The following CHN1 variants were observed in gnomAD, a reference collection of about 807,000 sequenced individuals.
CHN1 encodes chimerin 1.
In CHN1, 37 loss-of-function variants were observed where a neutral mutation model predicts 59.5. The observed-to-expected ratio is 0.62, with a 90% CI of 0.48 to 0.82. The LOEUF (loss-of-function observed/expected upper bound fraction) is 0.82. CHN1 is among the 40% of genes least tolerant of loss of function. CHN1 has a pLI of 0.00. For synonymous variants in CHN1, 206 were observed against 200.4 expected (o/e 1.03, Z -0.24); for missense variants, 469 against 571.0 (o/e 0.82, Z 1.82).
At chr2:174,904,437 T>C (rs1574147780) in intron 5 of CHN1, among the ~76,000 whole-genome samples, 1 of 152,088 alleles carries the variant, frequency 6.6e-6, no homozygotes, top group South Asian at 2.1e-4. Flanking sequence ...TGCCCAGGCT[T>C]GAGTGCAATG....
At position 174,801,769 on chromosome 2, in the gene CHN1, T is replaced by A; in HGVS notation, c.1146A>T (p.Ala382=). Residue 382 remains alanine (A), a synonymous_variant, in exon 12 of 13, where the codon GCA becomes GCT. Coordinates refer to ENST00000409900, the MANE Select transcript of CHN1 (RefSeq NM_001822.7). ...PDEQLETLHE[A]LKLLPPAHCE... ...AGTGAGCAGGTGGCAGTAGTTTCAG[T>A]GCTTCATGAAGGGTTTCCAATTGCT... 9 of 1,613,486 alleles carry A rather than the reference T, an allele frequency of 5.6e-6. No homozygotes were observed. The highest frequency in any genetic ancestry group is 6.8e-6 in the Non-Finnish European group (8 of 1,179,480).
intron 5 of CHN1, among the ~76,000 whole-genome samples, chr2:174,895,211 T>C (rs554942342): frequency 8.1e-4 from 115 of 142,108 alleles, no homozygotes; most frequent in African/African-American, 2.9e-3. Flanking sequence ...TATATATATA[T>C]ATACACACAC....
intron 1 of CHN1, among the ~76,000 whole-genome samples, chr2:174,989,422 C>G (rs1175921498): frequency 6.6e-6 from 1 of 151,528 alleles, no homozygotes; most frequent in Non-Finnish European, 1.5e-5. Context: ...AAAAACTGTG[C>G]CTTGCCACCT....
intron 7 of CHN1, among the ~76,000 whole-genome samples, chr2:174,838,998 CAG>C (rs986220156): frequency 6.0e-5 from 9 of 149,136 alleles, no homozygotes; most frequent in African/African-American, 2.2e-4. Flanking sequence ...GCCTCGGCGA[CAG>C]AGTGAGACTC....
intron 5 of CHN1, among the ~76,000 whole-genome samples, chr2:174,897,273 T>C (rs956130596): frequency 6.6e-6 from 1 of 152,170 alleles, no homozygotes; most frequent in Admixed American, 6.5e-5. Flanking sequence ...GTTTGGCACA[T>C]TATAATGTAA....
intron 6 of CHN1, among the ~76,000 whole-genome samples, chr2:174,868,049 G>A (rs909592770): frequency 1.3e-5 from 2 of 152,150 alleles, no homozygotes; most frequent in African/African-American, 4.8e-5. Flanking sequence ...GGCTTTGAAT[G>A]GTGGAGCTAT....
chr2:175,002,982 C>G (rs1353907496), intron 1 of CHN1, among the ~76,000 whole-genome samples: 1 of 152,148 alleles, frequency 6.6e-6, no homozygotes, highest in African/African-American at 2.4e-5. Flanking sequence ...CGAGTTTGAC[C>G]CAATCTCCTA....
intron 5 of CHN1, among the ~76,000 whole-genome samples, chr2:174,884,097 A>G (rs1687822569): frequency 6.6e-6 from 1 of 151,572 alleles, no homozygotes. Flanking sequence ...CCTCCCGAGT[A>G]GCTGGGAGCT....
intron 8 of CHN1, among the ~76,000 whole-genome samples, chr2:174,813,525 T>C (rs1228257603): frequency 6.6e-6 from 1 of 152,230 alleles, no homozygotes; most frequent in Non-Finnish European, 1.5e-5. Flanking sequence ...AATGAAACAT[T>C]TTCTGGTTAA....
At chr2:174,934,353 C>G (rs1017702927) in intron 3 of CHN1, among the ~76,000 whole-genome samples, 2 of 152,210 alleles carry the variant, frequency 1.3e-5, no homozygotes, top group Non-Finnish European at 2.9e-5. Context: ...ATAGGGGTCA[C>G]ACTCCTATGA....
chr2:174,867,031 CTG>C (rs1687238230), intron 6 of CHN1, among the ~76,000 whole-genome samples: 1 of 150,776 alleles, frequency 6.6e-6, no homozygotes, highest in African/African-American at 2.4e-5. Flanking sequence ...CTTACAAAGA[CTG>C]TTAAAATGAC....
intron 8 of CHN1, 70 bp from the exon 9 acceptor site, chr2:174,812,552 T>C: frequency 6.6e-7 from 1 of 1,522,098 alleles, no homozygotes; most frequent in Admixed American, 1.8e-5. Flanking sequence ...GGAGTGTTAA[T>C]TTTAGCAAAA....
rs910612949 is a variant in CHN1 at position 174,920,183 on chromosome 2, T to C, written c.115-1618A>G. ...TTGTATACTGAAATGGAATATACAG[T>C]ATTCCATTATGTATATATACACCAC... On this transcript the variant is annotated intron_variant, in intron 3 of 12. Coordinates refer to ENST00000409900, the MANE Select transcript of CHN1 (RefSeq NM_001822.7). Among the ~76,000 whole-genome samples, 4 of 152,310 alleles carry C rather than the reference T, an allele frequency of 2.6e-5. No individual in the cohort carries two copies. The South Asian group carries it at 8.3e-4, about 32-fold the overall frequency.
In CHN1 at chr2:175,005,259, G is replaced by T; in HGVS notation, c.-347C>A. On this transcript the variant is annotated 5_prime_UTR_variant, in exon 1 of 13. The change creates a premature stop within an existing upstream ORF in the 5' untranslated region. Coordinates refer to ENST00000409900, the MANE Select transcript of CHN1 (RefSeq NM_001822.7). ...CAGTGGCTGGCGGAGAGGCGGCGCCGCACTGGCGGCGGCGGCGGCGGCGAC... is the reference window on the plus strand; with the variant it reads ...CAGTGGCTGGCGGAGAGGCGGCGCCTCACTGGCGGCGGCGGCGGCGGCGAC... The T allele has an allele frequency of 1.8e-6, 2 of 1,111,488 alleles. No individual in the cohort carries two copies. Among genetic ancestry groups the T allele is most frequent in the Non-Finnish European group, 1.1e-6 (1 of 892,042 alleles). 68.9% of individuals were successfully genotyped at this position (1,111,488 alleles called of 1,614,324 possible).
chr2:174,902,721 G>A (rs980709979), intron 5 of CHN1, among the ~76,000 whole-genome samples: 1 of 152,122 alleles, frequency 6.6e-6, no homozygotes, highest in South Asian at 2.1e-4. Context: ...TACATTACAC[G>A]TCAACGCCTA....
intron 5 of CHN1, among the ~76,000 whole-genome samples, chr2:174,914,571 G>A (rs970768099): frequency 1.3e-5 from 2 of 152,200 alleles, no homozygotes; most frequent in Non-Finnish European, 1.5e-5. Flanking sequence ...TTCAGGCCGG[G>A]TGTGGTGGTT....
At chr2:175,004,425 T>C (rs989920172) in intron 1 of CHN1, among the ~76,000 whole-genome samples, 3 of 152,166 alleles carry the variant, frequency 2.0e-5, no homozygotes, top group African/African-American at 7.2e-5. Flanking sequence ...CAACGGAATA[T>C]ACTGAGTCCA....
chr2:174,905,490 A>G (rs937120090), intron 5 of CHN1, among the ~76,000 whole-genome samples: 5 of 152,198 alleles, frequency 3.3e-5, no homozygotes, highest in Admixed American at 6.5e-5. Flanking sequence ...TTATGTATGC[A>G]TACTTTTGAG....
intron 8 of CHN1, 98 bp from the exon 9 acceptor site, chr2:174,812,580 T>C (rs1183100452): frequency 8.7e-7 from 1 of 1,155,704 alleles, no homozygotes; most frequent in Admixed American, 2.0e-5. Context: ...CAGCTTGAAT[T>C]AGGTTTTAAA....
Sources: allele counts gnomAD v4.1 joint callset (sites outside exome capture counted in the v4.1 genomes callset), GRCh38; gene constraint gnomAD v4.1.1; transcripts MANE v1.5; gene names NCBI Gene and HGNC (gene_info 2026-07-23, HGNC 2026-07-21).